Variants in SNTG2 observed in about 807,000 individuals in gnomAD.
SNTG2 encodes syntrophin gamma 2.
In SNTG2, 74 loss-of-function variants were observed where a neutral mutation model predicts 70.9. The observed-to-expected ratio is 1.04, with a 90% confidence interval of 0.86 to 1.27. The LOEUF (loss-of-function observed/expected upper bound fraction) is 1.27, where lower values mean the gene tolerates loss of function less well. Ranked by LOEUF, SNTG2 falls within the 50% of genes most tolerant of loss-of-function variation. The probability of loss-of-function intolerance (pLI) is 0.00; values close to 1 mark genes in which losing one functional copy is unlikely to be tolerated. For missense variants in SNTG2, 717 were observed against 690.7 expected (o/e 1.04, Z -0.43); for synonymous variants, 278 against 273.8 (o/e 1.02, Z -0.15).
intron 16 of SNTG2, among the ~76,000 whole-genome samples, chr2:1,352,483 G>T (rs1051274373): frequency 6.6e-6 from 1 of 152,212 alleles, no homozygotes; most frequent in Non-Finnish European, 1.5e-5. Flanking sequence ...CCCGTGTCAG[G>T]TTTGAGCACA....
intron 1 of SNTG2, among the ~76,000 whole-genome samples, chr2:1,041,826 A>G (rs886524136): frequency 2.0e-5 from 3 of 152,194 alleles, no homozygotes; most frequent in Non-Finnish European, 4.4e-5. Context: ...CAAGGCAAGA[A>G]CAGCCTAACA....
At chr2:1,338,136 A>G (rs1659910265) in intron 16 of SNTG2, among the ~76,000 whole-genome samples, 1 of 152,214 alleles carries the variant, frequency 6.6e-6, no homozygotes, top group African/African-American at 2.4e-5. Context: ...ATCAGGAACC[A>G]TGAGACTTCA....
chr2:1,310,304 G>C (rs967268124), intron 15 of SNTG2, among the ~76,000 whole-genome samples: 1 of 152,152 alleles, frequency 6.6e-6, no homozygotes, highest in Non-Finnish European at 1.5e-5. Context: ...GCATTTATCT[G>C]TACCTGTGTT....
intron 4 of SNTG2, among the ~76,000 whole-genome samples, chr2:1,136,162 C>G (rs1668369988): frequency 6.6e-6 from 1 of 151,926 alleles, no homozygotes; most frequent in East Asian, 1.9e-4. Flanking sequence ...GCCTTTGATT[C>G]CCTTAAAATT....
At chr2:1,208,277 GGGCACACCTGTGAGTGTGA>G (rs1181797042) in intron 8 of SNTG2, among the ~76,000 whole-genome samples, 1 of 75,376 alleles carries the variant, frequency 1.3e-5, no homozygotes, top group Non-Finnish European at 2.7e-5. Flanking sequence ...CATGAGTGTG[GGGCACACCTGTGAGTGTGA>G]GGCACATCTG....
At chr2:1,105,621 G>A (rs765218675) in intron 4 of SNTG2, among the ~76,000 whole-genome samples, 41 of 152,142 alleles carry the variant, frequency 2.7e-4, no homozygotes, top group African/African-American at 9.2e-4. Context: ...TATGAGGATT[G>A]GATTTCTCTG....
chr2:1,198,912 C>A (rs1040768683), intron 8 of SNTG2, among the ~76,000 whole-genome samples: 1 of 151,906 alleles, frequency 6.6e-6, no homozygotes, highest in African/African-American at 2.4e-5. Flanking sequence ...ACAAAGAAAG[C>A]CCAGGACTGG....
At chr2:1,118,479 G>C (rs1667178564) in intron 4 of SNTG2, among the ~76,000 whole-genome samples, 1 of 151,936 alleles carries the variant, frequency 6.6e-6, no homozygotes. Context: ...TGTCCAACCA[G>C]CACCCTCAGG....
chr2:1,289,368 TC>T (rs936588476), intron 14 of SNTG2, among the ~76,000 whole-genome samples: 4 of 152,022 alleles, frequency 2.6e-5, no homozygotes, highest in African/African-American at 9.7e-5. Flanking sequence ...AGGAGCCTGC[TC>T]AGTCTACTCA....
chr2:1,051,895 A>C (rs1372137009), intron 1 of SNTG2, among the ~76,000 whole-genome samples: 1 of 152,218 alleles, frequency 6.6e-6, no homozygotes, highest in Non-Finnish European at 1.5e-5. Flanking sequence ...TGGTTGTTGG[A>C]TATTTTATTA....
chr2:1,097,572 G>C lies in SNTG2; in HGVS notation c.211-624G>C, dbSNP rs1334688604. Among the ~76,000 whole-genome samples, 1 of 152,128 alleles carries C rather than the reference G, an allele frequency of 6.6e-6. No individual in the cohort carries two copies. The highest frequency in any genetic ancestry group is 1.5e-5 in the Non-Finnish European group (1 of 68,026). ...TCAGATTAGACCACAGCAAAACATAGGTGCATGGCTTAATGCGCAAGAGAT... is the reference window on the plus strand; with the variant it reads ...TCAGATTAGACCACAGCAAAACATACGTGCATGGCTTAATGCGCAAGAGAT... On this transcript the variant is annotated intron_variant, in intron 2 of 16. Coordinates refer to ENST00000308624, the MANE Select transcript of SNTG2 (RefSeq NM_018968.4). The surrounding 1 kb of genome is among the most constrained non-coding windows in gnomAD (Gnocchi z 4.1).
chr2:1,136,313 AAGAGACAGAGAGACAC>A (rs1200505793), intron 4 of SNTG2, among the ~76,000 whole-genome samples: 1 of 151,674 alleles, frequency 6.6e-6, no homozygotes, highest in Non-Finnish European at 1.5e-5. Flanking sequence ...CAGAGATAGA[AAGAGACAGAGAGACAC>A]AGAGACAGTG....
chr2:1,273,789 T>G (rs1323837450), intron 14 of SNTG2, among the ~76,000 whole-genome samples: 1 of 151,808 alleles, frequency 6.6e-6, no homozygotes, highest in East Asian at 1.9e-4. Flanking sequence ...GCACAAACCA[T>G]GAAAAAAAAT....
chr2:1,092,405 C>T (rs1665092483), intron 2 of SNTG2, among the ~76,000 whole-genome samples: 1 of 152,134 alleles, frequency 6.6e-6, no homozygotes, highest in South Asian at 2.1e-4. Context: ...GGGGGATTAA[C>T]ACCCCAGGTC....
chr2:1,085,323 A>G (rs932243080), intron 2 of SNTG2, among the ~76,000 whole-genome samples: 1 of 152,238 alleles, frequency 6.6e-6, no homozygotes, highest in Non-Finnish European at 1.5e-5. Flanking sequence ...AAAATAAATT[A>G]CATTTTAAAA....
At chr2:1,163,793 C>T (rs549080395) in intron 6 of SNTG2, 1 of 152,408 alleles carries the variant, frequency 6.6e-6, no homozygotes, top group East Asian at 1.9e-4. Flanking sequence ...TAAGGTTGTC[C>T]ACAGGCATGG....
chr2:1,212,642 G>C (rs572295295), intron 9 of SNTG2, among the ~76,000 whole-genome samples: 9 of 152,290 alleles, frequency 5.9e-5, no homozygotes, highest in South Asian at 2.1e-4. Flanking sequence ...ACGCATAAGG[G>C]CTTAAGCTAT....
chr2:1,173,312 T>C (rs1671253512), intron 8 of SNTG2, 129 bp downstream of exon 8: 1 of 875,396 alleles, frequency 1.1e-6, no homozygotes, highest in Admixed American at 2.3e-5. Context: ...TCAGAGGAAA[T>C]ACTTAGAACA....
intron 7 of SNTG2, among the ~76,000 whole-genome samples, chr2:1,172,068 AG>A (rs1263888983): frequency 6.6e-5 from 10 of 152,312 alleles, no homozygotes; most frequent in Non-Finnish European, 1.2e-4. Flanking sequence ...TCAGCTTCAC[AG>A]GGGTCTTTCC....
Sources: gnomAD v4.1 joint callset for allele counts (sites outside exome capture counted in the v4.1 genomes callset) on GRCh38, gnomAD v4.1.1 for gene constraint, Gnocchi (gnomAD v3.1) non-coding constraint, MANE v1.5 for transcripts, NCBI Gene and HGNC (gene_info 2026-07-23, HGNC 2026-07-21) for gene names.